Variants in RAB17 observed in about 807,000 individuals in gnomAD.
The protein encoded by RAB17 is RAB17, member RAS oncogene family.
RAB17 carries 15 observed loss-of-function variants against 19.3 expected under a neutral mutation model. The observed-to-expected ratio is 0.78, with a 90% CI of 0.52 to 1.20. RAB17 has a LOEUF of 1.20. Among genes scored for constraint, RAB17 ranks in the 50% most tolerant of loss-of-function variants. The pLI is 0.00. For missense variants in RAB17, 262 were observed against 269.3 expected, an observed-to-expected ratio of 0.97 and a Z score of 0.19; for synonymous variants, 110 against 112.8, an observed-to-expected ratio of 0.97 and a Z score of 0.16.
At position 237,577,302 on chromosome 2, in the gene RAB17, C is replaced by A. The variant is rs2081273050; in HGVS notation, c.390G>T (p.Val130=). The A allele has an allele frequency of 1.2e-6, 2 of 1,613,964 alleles. No homozygotes were observed. The highest frequency in any genetic ancestry group is 4.5e-5 in the East Asian group (2 of 44,884). ...CCTGGCTGAGGTCCGTCTTGTTGCC[C>A]ACCAGCATCACCAGGACTTCTCCTG... ...LHPGEVLVML[V]GNKTDLSQER... The change falls in exon 4 of 6, where the codon GTG becomes GTT. Residue 130 remains valine, a synonymous_variant. Coordinates refer to ENST00000264601, the MANE Select transcript of RAB17 (RefSeq NM_022449.4).
At chr2:237,575,614 T>G (rs1393053666) in intron 4 of RAB17, 134 bp from the exon 5 acceptor site, 35 of 671,656 alleles carry the variant, frequency 5.2e-5, no homozygotes, top group Admixed American at 2.4e-5. Flanking sequence ...CGTGTCCAAG[T>G]TGTGTTTCTT....
chr2:237,589,558 T>A (rs1431439737), intron 1 of RAB17, among the ~76,000 whole-genome samples: 3 of 152,216 alleles, frequency 2.0e-5, no homozygotes, highest in African/African-American at 7.2e-5. Context: ...AAGACTGCAG[T>A]AAACATTTTC....
chr2:237,580,480 C>T (rs1406065289), intron 2 of RAB17, among the ~76,000 whole-genome samples: 1 of 152,052 alleles, frequency 6.6e-6, no homozygotes, highest in Non-Finnish European at 1.5e-5. Context: ...GTGGCTCATG[C>T]CTGTAATCCC....
intron 4 of RAB17, 151 bp from the exon 5 acceptor site, chr2:237,575,631 C>T (rs953467510): frequency 1.1e-5 from 7 of 624,184 alleles, no homozygotes; most frequent in African/African-American, 7.3e-5. Context: ...TCTTGGCACT[C>T]CTGAGCAGCC....
intron 1 of RAB17, among the ~76,000 whole-genome samples, chr2:237,586,478 ATTAC>A (rs1030707169): frequency 2.0e-5 from 3 of 150,436 alleles, no homozygotes; most frequent in African/African-American, 7.5e-5. Flanking sequence ...TCCTCCTTCC[ATTAC>A]TTTCAGTTTT....
Position 237,578,007 on chromosome 2 carries a change from C to A in RAB17, c.306G>T (p.Arg102Ser). Reference sequence around the variant, plus strand: ...CGTGCCTCAAGGCGGGCCCTACCTTCCTGGTGATGTCGTACACCAGAAGCG... The same window carrying A: ...CGTGCCTCAAGGCGGGCCCTACCTTACTGGTGATGTCGTACACCAGAAGCG... ...NAALLVYDIT[R>S]KDSFLKAQQW... The change falls in exon 3 of 6, where the codon AGG becomes AGT. Residue 102 changes from arginine (R) to serine (S), a missense_variant. By Grantham distance (110) the Arg-to-Ser change is moderately radical (BLOSUM62 -1). Transcript: ENST00000264601. 6.3e-7 allele frequency: 1 copy of A among 1,599,878 alleles called. No individual in the cohort carries two copies. Among genetic ancestry groups the A allele is most frequent in the Non-Finnish European group, 8.6e-7 (1 of 1,168,682 alleles).
intron 2 of RAB17, among the ~76,000 whole-genome samples, 181 bp downstream of exon 2, chr2:237,585,817 G>A (rs2081345321): frequency 6.6e-6 from 1 of 152,168 alleles, no homozygotes; most frequent in African/African-American, 2.4e-5. Context: ...TCCTGTCTTT[G>A]TAGATTCTGT....
Position 237,578,100 on chromosome 2 carries a change from G to A in RAB17, c.213C>T (p.Ile71=), listed in dbSNP as rs375893398. Residue 71 remains isoleucine, a synonymous_variant, in exon 3 of 6, where the codon ATC becomes ATT. Transcript: ENST00000264601. ...DVGATSLKLE[I]WDTAGQEKYH... ...ACTTCTCCTGGCCAGCTGTGTCCCA[G>A]ATCTCAAGCTTCAGAGAGGTGGCAC... 4 of 1,613,756 alleles carry A rather than the reference G, an allele frequency of 2.5e-6. No homozygotes were observed. The African/African-American group carries it at 5.3e-5, about 22-fold the overall frequency.
At chr2:237,589,242 A>G (rs983009955) in intron 1 of RAB17, among the ~76,000 whole-genome samples, 1 of 143,720 alleles carries the variant, frequency 7.0e-6, no homozygotes, top group Non-Finnish European at 1.5e-5. Context: ...TTATTTTACT[A>G]TAAACATACA....
chr2:237,582,059 T>C (rs955885529), intron 2 of RAB17, among the ~76,000 whole-genome samples: 2 of 152,166 alleles, frequency 1.3e-5, no homozygotes, highest in African/African-American at 2.4e-5. Flanking sequence ...CTGGCGGGGG[T>C]GGGCGGGAGG....
intron 2 of RAB17, 85 bp from the exon 3 acceptor site, chr2:237,578,240 C>A: frequency 2.2e-6 from 3 of 1,377,496 alleles, no homozygotes; most frequent in South Asian, 2.8e-5. Context: ...GCCGCAGGCA[C>A]AGCAATGGGC....
intron 2 of RAB17, chr2:237,578,885 G>C (rs1460389770): frequency 6.9e-6 from 1 of 145,006 alleles, no homozygotes; most frequent in Admixed American, 7.0e-5. Flanking sequence ...GTCTTACTCA[G>C]CCATGTACCT....
At chr2:237,585,458 T>A (rs970085463) in intron 2 of RAB17, 2 of 169,172 alleles carry the variant, frequency 1.2e-5, no homozygotes, top group Admixed American at 1.3e-4. Flanking sequence ...TTAGCCTTTT[T>A]AAGAAACACA....
chr2:237,587,766 T>A (rs749333247), intron 1 of RAB17, among the ~76,000 whole-genome samples: 3 of 150,296 alleles, frequency 2.0e-5, no homozygotes, highest in Non-Finnish European at 3.0e-5. Flanking sequence ...AGTTTCACCA[T>A]CAAGTATGAT....
Position 237,574,946 on chromosome 2 carries a change from T to C in RAB17, c.*73A>G. ...GGAGCAACCCAGCATTGACAGTGAA[T>C]CAGAATCCACCTAGAGCTGGCCATG... On this transcript the variant is annotated 3_prime_UTR_variant, in exon 6 of 6. Transcript: ENST00000264601. 8.4e-7 allele frequency: 1 copy of C among 1,197,396 alleles called. No individual in the cohort carries two copies. The highest frequency in any genetic ancestry group is 2.7e-5 in the Admixed American group (1 of 36,948). 74.2% of individuals were successfully genotyped at this position (1,197,396 alleles called of 1,614,324 possible).
intron 2 of RAB17, chr2:237,579,044 T>A (rs1485673036): frequency 3.9e-5 from 6 of 152,240 alleles, no homozygotes; most frequent in Non-Finnish European, 2.9e-5. Flanking sequence ...GGTTATTTTA[T>A]AGATCTCCAA....
At chr2:237,578,473 C>T (rs1270853043) in intron 2 of RAB17, 1 of 220,942 alleles carries the variant, frequency 4.5e-6, no homozygotes, top group Non-Finnish European at 9.0e-6. Flanking sequence ...TACTGGGAGT[C>T]CGATGCATCC....
chr2:237,588,840 A>C (rs1020166997), intron 1 of RAB17, among the ~76,000 whole-genome samples: 2 of 152,262 alleles, frequency 1.3e-5, no homozygotes, highest in African/African-American at 4.8e-5. Context: ...TAACTGAAAC[A>C]GGTGGACTCT....
At chr2:237,584,991 G>A (rs1047547186) in intron 2 of RAB17, among the ~76,000 whole-genome samples, 12 of 152,200 alleles carry the variant, frequency 7.9e-5, no homozygotes, top group Non-Finnish European at 1.3e-4. Context: ...GTCGGGCCAG[G>A]CAGACCCCTG....
Sources: allele counts gnomAD v4.1 joint callset (sites outside exome capture counted in the v4.1 genomes callset), GRCh38; gene constraint gnomAD v4.1.1; transcripts MANE v1.5; gene names NCBI Gene and HGNC (gene_info 2026-07-23, HGNC 2026-07-21).